TCF4: variants seen among roughly 807,000 people sequenced by gnomAD.
The protein encoded by TCF4 is transcription factor 4, also known as SL3-3 enhancer factor 2.
Under a neutral mutation model 82.1 loss-of-function variants are expected in TCF4, and 3 were observed. The ratio of observed to expected loss-of-function variants is 0.04; its 90% CI spans 0.02 to 0.09. The LOEUF (loss-of-function observed/expected upper bound fraction) is 0.09. Ranked by LOEUF, TCF4 falls within the 10% of genes least tolerant of loss-of-function variation. The pLI is 1.00. For synonymous variants in TCF4, 276 were observed against 309.6 expected (o/e 0.89, Z 1.14); for missense variants, 518 against 852.7 (o/e 0.61, Z 4.89).
intron 6 of TCF4, among the ~76,000 whole-genome samples, chr18:55,375,411 A>G (rs879443014): frequency 6.6e-6 from 1 of 152,128 alleles, no homozygotes; most frequent in Admixed American, 6.5e-5. Flanking sequence ...AGTTTTCTTA[A>G]TCTACTAGAT....
intron 8 of TCF4, among the ~76,000 whole-genome samples, chr18:55,293,032 T>C (rs2146653950): frequency 6.6e-6 from 1 of 152,244 alleles, no homozygotes; most frequent in East Asian, 1.9e-4. Context: ...GAAAATGTTT[T>C]AGAACTAGAC....
At chr18:55,501,575 C>T (rs2096702603) in intron 3 of TCF4, among the ~76,000 whole-genome samples, 1 of 151,946 alleles carries the variant, frequency 6.6e-6, no homozygotes, top group Non-Finnish European at 1.5e-5. Flanking sequence ...ACTAACACGG[C>T]TGAAAAGGAC....
chr18:55,272,885 C>CA (rs1319588377), intron 10 of TCF4, among the ~76,000 whole-genome samples: 2 of 151,870 alleles, frequency 1.3e-5, no homozygotes, highest in African/African-American at 4.8e-5. Flanking sequence ...GTTTATGTTA[C>CA]AAAAAAATAA....
intron 8 of TCF4, among the ~76,000 whole-genome samples, chr18:55,310,098 G>A (rs1399320744): frequency 6.6e-6 from 1 of 152,142 alleles, no homozygotes; most frequent in Non-Finnish European, 1.5e-5. Context: ...TGCCAGTTTA[G>A]GGCAAACTTA....
intron 3 of TCF4, among the ~76,000 whole-genome samples, chr18:55,499,005 G>GA (rs1435316905): frequency 6.6e-6 from 1 of 152,166 alleles, no homozygotes; most frequent in Admixed American, 6.5e-5. Context: ...TTGACATGGT[G>GA]AAAGTTTTTG....
intron 5 of TCF4, among the ~76,000 whole-genome samples, chr18:55,417,547 A>G (rs1453803094): frequency 2.0e-5 from 3 of 152,208 alleles, no homozygotes; most frequent in Non-Finnish European, 4.4e-5. Flanking sequence ...TATCTATCAA[A>G]TGAATGAATG....
At chr18:55,287,953 A>C (rs2064084361) in intron 8 of TCF4, among the ~76,000 whole-genome samples, 1 of 151,822 alleles carries the variant, frequency 6.6e-6, no homozygotes, top group South Asian at 2.1e-4. Context: ...GGGAAAAAAA[A>C]CCCTGCTTCA....
chr18:55,456,983 A>G (rs2095769660), intron 5 of TCF4, among the ~76,000 whole-genome samples: 2 of 152,238 alleles, frequency 1.3e-5, no homozygotes, highest in African/African-American at 4.8e-5. Context: ...TTCTCCAGAT[A>G]TAAAACAATG....
intron 11 of TCF4, chr18:55,265,156 G>A (rs1417545794): frequency 3.3e-5 from 5 of 152,160 alleles, no homozygotes; most frequent in Non-Finnish European, 5.9e-5. Flanking sequence ...TGGAAAATGT[G>A]TTGCCCCTTT....
At chr18:55,390,473 T>C (rs556551286) in intron 6 of TCF4, among the ~76,000 whole-genome samples, 7 of 151,830 alleles carry the variant, frequency 4.6e-5, no homozygotes, top group African/African-American at 1.7e-4. Flanking sequence ...TGGTAGAATG[T>C]ATTATTGTTG....
At chr18:55,277,941 G>A (rs1010684791) in intron 9 of TCF4, among the ~76,000 whole-genome samples, 32 of 152,108 alleles carry the variant, frequency 2.1e-4, no homozygotes, top group African/African-American at 7.7e-4. Flanking sequence ...TTTTTGTCAC[G>A]GCACAAAACG....
chr18:55,253,228 C>A (rs754074165), intron 15 of TCF4, among the ~76,000 whole-genome samples: 7 of 152,114 alleles, frequency 4.6e-5, no homozygotes, highest in Non-Finnish European at 7.4e-5. Context: ...GAAAGATGGA[C>A]AGGAGAATAC....
chr18:55,294,861 C>T (rs2066082279), intron 8 of TCF4, among the ~76,000 whole-genome samples: 1 of 152,206 alleles, frequency 6.6e-6, no homozygotes, highest in African/African-American at 2.4e-5. Context: ...CTCAGAGAAT[C>T]CTCCTGCCTT....
At chr18:55,257,858 A>G (rs191719879) in intron 13 of TCF4, among the ~76,000 whole-genome samples, 92 of 152,306 alleles carry the variant, frequency 6.0e-4, no homozygotes, top group Non-Finnish European at 3.8e-4. Flanking sequence ...TTTTAAGGGA[A>G]TAAGATTAGT....
At chr18:55,422,209 G>A (rs370341513) in intron 5 of TCF4, 10 of 982,280 alleles carry the variant, frequency 1.0e-5, no homozygotes, top group Non-Finnish European at 1.2e-5. Flanking sequence ...GTAGCACGCC[G>A]AGGGAGGCAC....
chr18:55,289,906 T>C (rs1331581787), intron 8 of TCF4, among the ~76,000 whole-genome samples: 3 of 149,170 alleles, frequency 2.0e-5, no homozygotes, highest in African/African-American at 7.4e-5. Flanking sequence ...TGTGCAGGTG[T>C]GCTTGGACAT....
intron 8 of TCF4, among the ~76,000 whole-genome samples, chr18:55,303,104 G>T (rs1036820393): frequency 6.6e-6 from 1 of 152,144 alleles, no homozygotes; most frequent in Non-Finnish European, 1.5e-5. Context: ...TGTTTAAGAC[G>T]TGGCAAGTAA....
intron 3 of TCF4, among the ~76,000 whole-genome samples, chr18:55,525,327 T>C (rs894664756): frequency 1.3e-5 from 2 of 152,054 alleles, no homozygotes; most frequent in Non-Finnish European, 2.9e-5. Flanking sequence ...AATGACTCTC[T>C]ATAAAGAAAA....
intron 8 of TCF4, chr18:55,322,105 CTT>C (rs1213553765): frequency 0.012 from 10,380 of 838,112 alleles, 6 homozygotes; most frequent in African/African-American, 0.034. Context: ...TTTTTTTTTC[CTT>C]TTTTTTTTTT....
Sources: gnomAD v4.1 joint callset for allele counts (sites outside exome capture counted in the v4.1 genomes callset) on GRCh38, gnomAD v4.1.1 for gene constraint, MANE v1.5 for transcripts, NCBI Gene and HGNC (gene_info 2026-07-23, HGNC 2026-07-21) for gene names.